CDYL2: variants seen among roughly 807,000 people sequenced by gnomAD.
The protein encoded by CDYL2 is chromodomain Y-like protein 2.
A neutral mutation model predicts 49.4 loss-of-function variants in CDYL2; 23 were observed. The ratio of observed to expected loss-of-function variants is 0.47; its 90% CI spans 0.34 to 0.66. The LOEUF is 0.66. Among genes scored for constraint, CDYL2 ranks in the 30% least tolerant of loss-of-function variants. The probability of loss-of-function intolerance (pLI) is 0.01; values close to 1 mark genes in which losing one functional copy is unlikely to be tolerated. For missense variants in CDYL2, 678 were observed against 656.4 expected (o/e 1.03, Z -0.36); for synonymous variants, 360 against 268.8 (o/e 1.34, Z -3.32).
At chr16:80,655,630 C>G (rs1437961768) in intron 2 of CDYL2, among the ~76,000 whole-genome samples, 1 of 152,130 alleles carries the variant, frequency 6.6e-6, no homozygotes, top group Non-Finnish European at 1.5e-5. Flanking sequence ...CTAGCAGAGG[C>G]AAAGAGACCC....
At chr16:80,659,074 TGG>T (rs1567559296) in intron 2 of CDYL2, among the ~76,000 whole-genome samples, 1 of 148,952 alleles carries the variant, frequency 6.7e-6, no homozygotes. Context: ...GATGGATGGA[TGG>T]ATGGATGGAT....
chr16:80,676,291 T>C (rs1039934921), intron 2 of CDYL2, among the ~76,000 whole-genome samples: 2 of 152,218 alleles, frequency 1.3e-5, no homozygotes, highest in South Asian at 2.1e-4. Context: ...GGAAAAATCA[T>C]CTGCTTTTAA....
intron 6 of CDYL2, among the ~76,000 whole-genome samples, chr16:80,604,851 T>C (rs1254991188): frequency 2.6e-5 from 4 of 152,166 alleles, no homozygotes; most frequent in Admixed American, 6.5e-5. Flanking sequence ...ATAGGTGTCA[T>C]GAAAAAGTGT....
At chr16:80,663,168 C>A (rs906081235) in intron 2 of CDYL2, among the ~76,000 whole-genome samples, 1 of 150,368 alleles carries the variant, frequency 6.7e-6, no homozygotes, top group Admixed American at 6.7e-5. Flanking sequence ...CCATTCTCCC[C>A]AGTGTTCCAA....
chr16:80,671,737 C>CA (rs1309146439), intron 2 of CDYL2, among the ~76,000 whole-genome samples: 1 of 152,198 alleles, frequency 6.6e-6, no homozygotes, highest in East Asian at 1.9e-4. Flanking sequence ...CTTAAACACA[C>CA]ACGTCTGGCA....
intron 1 of CDYL2, among the ~76,000 whole-genome samples, chr16:80,755,838 G>A (rs1178794203): frequency 6.6e-6 from 1 of 152,128 alleles, no homozygotes; most frequent in Non-Finnish European, 1.5e-5. Context: ...TTAAAACAGT[G>A]GAGACTATGG....
At chr16:80,712,050 T>C (rs1294205465) in intron 1 of CDYL2, among the ~76,000 whole-genome samples, 3 of 150,544 alleles carry the variant, frequency 2.0e-5, no homozygotes, top group Admixed American at 6.6e-5. Flanking sequence ...TGTGTGTATA[T>C]AGATGTGTGT....
intron 1 of CDYL2, among the ~76,000 whole-genome samples, chr16:80,735,952 T>G (rs1362569653): frequency 6.6e-6 from 1 of 152,198 alleles, no homozygotes; most frequent in African/African-American, 2.4e-5. Flanking sequence ...GGGTCTGCAC[T>G]TAGTAGCTCA....
intron 1 of CDYL2, among the ~76,000 whole-genome samples, chr16:80,788,119 C>T (rs1907495038): frequency 6.6e-6 from 1 of 152,160 alleles, no homozygotes; most frequent in Non-Finnish European, 1.5e-5. Flanking sequence ...GAAAAAAATG[C>T]ACTGAGGCTC....
chr16:80,803,467 CA>C (rs1907988618), intron 1 of CDYL2, among the ~76,000 whole-genome samples: 1 of 152,110 alleles, frequency 6.6e-6, no homozygotes, highest in Admixed American at 6.5e-5. Context: ...ACGACACCCG[CA>C]AGGGCCACCC....
Position 80,599,199 on chromosome 16 carries a change from T to C in CDYL2, c.*5189A>G, listed in dbSNP as rs1416360986. On this transcript the variant is annotated 3_prime_UTR_variant, in exon 7 of 7. Coordinates refer to ENST00000570137, the MANE Select transcript of CDYL2 (RefSeq NM_152342.4). ...GGTGAAGTTGAAAACTAGATATGGG[T>C]TTTTCTGACTGCCACACACACTGCA... 1.3e-5 allele frequency: 2 copies of C among 151,916 alleles called. No individual in the cohort carries two copies. The highest frequency in any genetic ancestry group is 2.9e-5 in the Non-Finnish European group (2 of 67,954). 9.4% of individuals were successfully genotyped at this position (151,916 alleles called of 1,614,324 possible). A position where few individuals can be genotyped will look rare whatever the true frequency, so the allele number is the denominator to read the frequency against.
intron 2 of CDYL2, among the ~76,000 whole-genome samples, chr16:80,683,896 T>C (rs887955234): frequency 3.9e-5 from 6 of 152,136 alleles, no homozygotes; most frequent in African/African-American, 9.7e-5. Context: ...TGTGAGAAAT[T>C]AGATTTCCAT....
intron 1 of CDYL2, among the ~76,000 whole-genome samples, chr16:80,737,608 G>A (rs899964221): frequency 6.6e-6 from 1 of 152,144 alleles, no homozygotes; most frequent in Non-Finnish European, 1.5e-5. Flanking sequence ...TTTTCTCTTT[G>A]TCTCTTTCTT....
rs746278663 is a variant in CDYL2, at chr16:80,604,490, G to A, written c.1419C>T (p.Asp473=). ...GCATGAGGCATTCCTTCTCGTTCACGTCTTCCAGCACTGATTTCAGGAAGC... is the reference window on the plus strand; with the variant it reads ...GCATGAGGCATTCCTTCTCGTTCACATCTTCCAGCACTGATTTCAGGAAGC... ...VRSFLKSVLE[D]VNEKECLMLK... is the part of the protein sequence containing the mutation. Residue 473 remains aspartate, a synonymous_variant, in exon 7 of 7, where the codon GAC becomes GAT. Transcript: ENST00000570137. The A allele has an allele frequency of 5.0e-6, 8 of 1,614,048 alleles. No individual in the cohort carries two copies. The highest frequency in any genetic ancestry group is 4.0e-5 in the African/African-American group (3 of 74,932).
intron 3 of CDYL2, chr16:80,628,183 G>C (rs1376869345): frequency 6.6e-6 from 1 of 152,236 alleles, no homozygotes; most frequent in Non-Finnish European, 1.5e-5. Flanking sequence ...CTCCCTTGTA[G>C]AATGTGCACC....
rs547708678 is a variant in CDYL2 at position 80,677,665 on chromosome 16, G to C, written c.616+6873C>G. Reference sequence around the variant, plus strand: ...GAGGCAGGAGAATGGCGTGAACTCAGGAGGCGGAGCTTGCAGTGAGCCAAG... The same window carrying C: ...GAGGCAGGAGAATGGCGTGAACTCACGAGGCGGAGCTTGCAGTGAGCCAAG... On this transcript the variant is annotated intron_variant, in intron 2 of 6. Transcript: ENST00000570137. 3.9e-5 allele frequency among the ~76,000 whole-genome samples: 6 copies of C among 152,188 alleles called. No homozygotes were observed. In the East Asian group the frequency reaches 7.7e-4, roughly 20 times the overall value.
At chr16:80,615,283 T>C (rs1393479800) in intron 4 of CDYL2, among the ~76,000 whole-genome samples, 2 of 152,166 alleles carry the variant, frequency 1.3e-5, no homozygotes, top group Non-Finnish European at 2.9e-5. Context: ...TGCTTTTCAC[T>C]GAAAGCAATT....
chr16:80,620,784 G>C lies in CDYL2; in HGVS notation c.986C>G (p.Thr329Ser). The C allele has an allele frequency of 1.2e-6, 2 of 1,608,164 alleles. No individual in the cohort carries two copies. Among genetic ancestry groups the C allele is most frequent in the Non-Finnish European group, 1.7e-6 (2 of 1,175,948 alleles). The part of the protein sequence containing the change: ...RLSSDRRKES[T>S]RIAEAIRDFV... ...TCACCTGATGGCTTCTGCAATCCGA[G>C]TGCTCTCCTTTCGCCGGTCGCTGGA... Residue 329 changes from threonine (T) to serine (S), a missense_variant, in exon 4 of 7, where the codon ACT (threonine) becomes AGT (serine). Physicochemically the swap from Thr to Ser is moderately conservative, Grantham distance 58. This residue lies in a region of CDYL2 where 478 missense variants were observed against 427.0 expected (regional missense o/e 1.12). Transcript: ENST00000570137.
At chr16:80,708,642 C>A (rs1383709947) in intron 1 of CDYL2, among the ~76,000 whole-genome samples, 2 of 152,154 alleles carry the variant, frequency 1.3e-5, no homozygotes, top group Admixed American at 1.3e-4. Context: ...CTCAACCTGT[C>A]CCACCTGGCT....
Sources: allele counts gnomAD v4.1 joint callset (sites outside exome capture counted in the v4.1 genomes callset), GRCh38; gene constraint gnomAD v4.1.1; regional missense constraint gnomAD v4.1.1; transcripts MANE v1.5; gene names NCBI Gene and HGNC (gene_info 2026-07-23, HGNC 2026-07-21).